PSCA: variants seen among roughly 807,000 people sequenced by gnomAD.
The protein encoded by PSCA is prostate stem cell antigen.
Under a neutral mutation model 7.9 loss-of-function variants are expected in PSCA, and 7 were observed. The ratio of observed to expected loss-of-function variants is 0.89; its 90% confidence interval spans 0.51 to 1.67. PSCA has a LOEUF of 1.67. PSCA is among the 40% of genes most tolerant of loss of function. PSCA has a pLI of 0.00. For missense variants in PSCA, 151 were observed against 147.9 expected, an observed-to-expected ratio of 1.02 and a Z score of -0.11; for synonymous variants, 61 against 68.3, an observed-to-expected ratio of 0.89 and a Z score of 0.53.
intron 1 of PSCA, among the ~76,000 whole-genome samples, chr8:142,674,105 C>T (rs1847367939): frequency 7.1e-6 from 1 of 141,576 alleles, no homozygotes; most frequent in East Asian, 2.2e-4. Flanking sequence ...GGCTGGGAAT[C>T]GTTTCAGTCT....
intron 1 of PSCA, among the ~76,000 whole-genome samples, chr8:142,674,130 T>G (rs370232349): frequency 2.1e-4 from 29 of 137,570 alleles, no homozygotes; most frequent in African/African-American, 5.0e-4. Context: ...TCAGCAGAGC[T>G]CAGATCCCCC....
chr8:142,675,667 TCACA>T (rs1466159601), upstream of PSCA, among the ~76,000 whole-genome samples: 4 of 152,136 alleles, frequency 2.6e-5, no homozygotes, highest in South Asian at 2.1e-4. Context: ...TCTCACACTC[TCACA>T]CACACTATGT....
Position 142,682,030 on chromosome 8 carries a change from C to T in PSCA, c.243C>T (p.Asp81=), listed in dbSNP as rs782113830. The change falls in exon 3 of 3, where the codon GAC becomes GAT. Residue 81 remains aspartate, a synonymous_variant. Coordinates refer to ENST00000301258, the MANE Select transcript of PSCA (RefSeq NM_005672.5). Reference sequence around the variant, plus strand: ...AGAACATCACGTGCTGTGACACCGACTTGTGCAACGCCAGCGGGGCCCATG... The same window carrying T: ...AGAACATCACGTGCTGTGACACCGATTTGTGCAACGCCAGCGGGGCCCATG... ...GKKNITCCDT[D]LCNASGAHAL... The T allele has an allele frequency of 8.7e-6, 14 of 1,613,008 alleles. No individual in the cohort carries two copies. The Admixed American group carries it at 1.3e-4, about 15-fold the overall frequency.
chr8:142,677,291 C>G (rs587755712), upstream of PSCA, among the ~76,000 whole-genome samples: 3 of 152,166 alleles, frequency 2.0e-5, no homozygotes, highest in Non-Finnish European at 4.4e-5. Flanking sequence ...CTCAGTGCGG[C>G]GGATGCTGGG....
chr8:142,680,526 G>T lies in PSCA; in HGVS notation c.-13G>T. The T allele has an allele frequency of 6.4e-7, 1 of 1,553,892 alleles. No homozygotes were observed. Among genetic ancestry groups the T allele is most frequent in the Non-Finnish European group, 8.7e-7 (1 of 1,148,170 alleles). ...CACCAGTGACCACGAAGGCTGTGCT[G>T]CTTGCCCTGTTGATGGCAGGCTTGG... On this transcript the variant is annotated 5_prime_UTR_variant, in exon 1 of 3. Transcript: ENST00000301258.
rs1309325359 is a variant in PSCA at position 142,682,055 on chromosome 8, G to C, written c.268G>C (p.Ala90Pro). The change falls in exon 3 of 3, where the codon GCC becomes CCC. Residue 90 changes from alanine to proline, a missense_variant. By Grantham distance (27) the Ala-to-Pro change is conservative (BLOSUM62 -1). Coordinates refer to ENST00000301258, the MANE Select transcript of PSCA (RefSeq NM_005672.5). ...TDLCNASGAH[A>P]LQPAAAILAL... ...CTTGTGCAACGCCAGCGGGGCCCAT[G>C]CCCTGCAGCCGGCTGCTGCCATCCT... The C allele has an allele frequency of 6.2e-7, 1 of 1,611,394 alleles. No homozygotes were observed. The highest frequency in any genetic ancestry group is 1.3e-5 in the African/African-American group (1 of 74,934).
chr8:142,677,656 C>T (rs587693884), upstream of PSCA, among the ~76,000 whole-genome samples: 76 of 152,144 alleles, frequency 5.0e-4, no homozygotes, highest in African/African-American at 1.8e-3. Flanking sequence ...CAGCCACACA[C>T]GGAAGCAGTT....
At chr8:142,672,729 A>G (rs1216875158) in intron 1 of PSCA, among the ~76,000 whole-genome samples, 4 of 152,230 alleles carry the variant, frequency 2.6e-5, no homozygotes, top group Non-Finnish European at 5.9e-5. Context: ...AAGAAAGGAG[A>G]GAAGAGAGCA....
At chr8:142,680,769 G>A (rs1229381097) in intron 1 of PSCA, 43 of 648,418 alleles carry the variant, frequency 6.6e-5, no homozygotes, top group Non-Finnish European at 9.3e-5. Context: ...CCCTGTGACC[G>A]GGGCTTGCAG....
At chr8:142,675,510 A>G (rs587730742), upstream of PSCA, among the ~76,000 whole-genome samples, 1 of 152,338 alleles carries the variant, frequency 6.6e-6, no homozygotes, top group Non-Finnish European at 1.5e-5. Flanking sequence ...CACAGCCCTC[A>G]GGACTTGGTG....
Position 142,671,785 on chromosome 8 carries a change from C to T in PSCA, n.261+1217C>T, listed in dbSNP as rs1208625878. Among the ~76,000 whole-genome samples, 10 of 152,112 alleles carry T rather than the reference C, an allele frequency of 6.6e-5. No homozygotes were observed. The South Asian group carries it at 1.5e-3, about 22-fold the overall frequency. On this transcript the variant is annotated intron_variant and non_coding_transcript_variant, in intron 1 of 1. Transcript: ENST00000505305. ...CTGGTCTCGAGCTCGTGGACTCAAG[C>T]GATCCCAAAATGCTGGGATTCCAGG...
chr8:142,682,030 CTTGTG>C lies in PSCA; in HGVS notation c.244_248del (p.Leu82GlnfsTer74), dbSNP rs1563805815. The C allele has an allele frequency of 1.2e-6, 2 of 1,613,126 alleles. No individual in the cohort carries two copies. Among genetic ancestry groups the C allele is most frequent in the Admixed American group, 3.3e-5 (2 of 59,996 alleles). On this transcript the variant is annotated frameshift_variant, in exon 3 of 3. Coordinates refer to ENST00000301258, the MANE Select transcript of PSCA (RefSeq NM_005672.5). LOFTEE classifies it low-confidence loss of function (END_TRUNC). ...AGAACATCACGTGCTGTGACACCGA[CTTGTG>C]CAACGCCAGCGGGGCCCATGCCCTG... is the stretch of plus-strand genomic sequence containing the variant.
chr8:142,682,418 C>G lies in PSCA; in HGVS notation c.*286C>G, dbSNP rs903424070. The G allele has an allele frequency of 5.9e-6, 4 of 673,462 alleles. No homozygotes were observed. The highest frequency in any genetic ancestry group is 2.0e-5 in the Admixed American group (1 of 48,926). The allele number at this position is 673,462 out of a possible 1,614,324, so 41.7% of individuals were successfully genotyped here. A position where few individuals can be genotyped will look rare whatever the true frequency, so the allele number is the denominator to read the frequency against. On this transcript the variant is annotated 3_prime_UTR_variant, in exon 3 of 3. Coordinates refer to ENST00000301258, the MANE Select transcript of PSCA (RefSeq NM_005672.5). ...ATGGCCCAGCATTCTCCACCCTTAA[C>G]CCTGTGCTCAGGCACCTCTTCCCCC...
intron 1 of PSCA, among the ~76,000 whole-genome samples, chr8:142,674,285 A>G (rs1847370575): frequency 1.4e-5 from 2 of 140,596 alleles, no homozygotes; most frequent in Non-Finnish European, 3.0e-5. Flanking sequence ...CTAATGAATA[A>G]CGGCTGGGAA....
At chr8:142,678,941 CG>C (rs1847429795), upstream of PSCA, among the ~76,000 whole-genome samples, 2 of 123,544 alleles carry the variant, frequency 1.6e-5, no homozygotes, top group Admixed American at 1.7e-4. Context: ...GGGCCATAGC[CG>C]CTGCCACCAC....
At chr8:142,674,319 A>G (rs1428275344) in intron 1 of PSCA, among the ~76,000 whole-genome samples, 9 of 145,156 alleles carry the variant, frequency 6.2e-5, no homozygotes, top group African/African-American at 2.4e-4. Context: ...ACCTCAGCAG[A>G]GCTCAGACTC....
At chr8:142,677,575 T>C (rs1847413109), upstream of PSCA, among the ~76,000 whole-genome samples, 1 of 151,816 alleles carries the variant, frequency 6.6e-6, no homozygotes, top group African/African-American at 2.4e-5. Context: ...TAAGAAAACG[T>C]CTTGTGCGGG....
At chr8:142,680,344 A>C, upstream of PSCA, 1 of 624,964 alleles carries the variant, frequency 1.6e-6, no homozygotes, top group Non-Finnish European at 2.9e-6. Flanking sequence ...GGACAAAGGG[A>C]GAGGGAGGTG....
chr8:142,680,723 T>G, intron 1 of PSCA, 160 bp downstream of exon 1: 109 of 965,104 alleles, frequency 1.1e-4, no homozygotes, highest in Non-Finnish European at 1.5e-4. Context: ...AGGGAAGCTC[T>G]TGGCACGACC....
Sources: gnomAD v4.1 joint callset for allele counts (sites outside exome capture counted in the v4.1 genomes callset) on GRCh38, gnomAD v4.1.1 for gene constraint, MANE v1.5 for transcripts, NCBI Gene and HGNC (gene_info 2026-07-23, HGNC 2026-07-21) for gene names.